Variants in CPAMD8 observed in about 807,000 individuals in gnomAD.
CPAMD8 encodes C3 and PZP like alpha-2-macroglobulin domain containing 8, also known as C3 and PZP-like alpha-2-macroglobulin domain-containing protein 8.
A neutral mutation model predicts 224.7 loss-of-function variants in CPAMD8; 146 were observed. The observed-to-expected ratio is 0.65, with a 90% CI of 0.57 to 0.75. CPAMD8 has a LOEUF of 0.75. Ranked by LOEUF, CPAMD8 falls within the 30% of genes least tolerant of loss-of-function variation. The pLI is 0.00. For synonymous variants in CPAMD8, 966 were observed against 1,044.6 expected, an observed-to-expected ratio of 0.92 and a Z score of 1.45; for missense variants, 2,301 against 2,537.5, an observed-to-expected ratio of 0.91 and a Z score of 2.00.
intron 27 of CPAMD8, among the ~76,000 whole-genome samples, chr19:16,918,475 T>G (rs1239519019): frequency 2.0e-5 from 3 of 148,566 alleles, no homozygotes; most frequent in Non-Finnish European, 3.0e-5. Context: ...AGAGATGGAG[T>G]TTTGCTCTGT....
At chr19:16,936,219 C>T (rs113978249) in intron 23 of CPAMD8, among the ~76,000 whole-genome samples, 5,207 of 152,190 alleles carry the variant, frequency 0.034, 217 homozygotes, top group African/African-American at 0.098. Flanking sequence ...TGAGCCACTG[C>T]GCCCAGCTCT....
At position 16,927,509 on chromosome 19, in the gene CPAMD8, C is replaced by CCCTACAGAA. The variant is rs2053405811; in HGVS notation, c.3370+499_3370+500insTTCTGTAGG. Among the ~76,000 whole-genome samples the CCCTACAGAA allele has an allele frequency of 2.6e-5, 4 of 152,162 alleles. No individual in the cohort carries two copies. In the South Asian group the frequency reaches 8.3e-4, roughly 32 times the overall value. ...TAATACACATCCCAACCCTACAGAC[C>CCCTACAGAA]CCCTAAGGCTGCTTCCAATGTCCCT... On this transcript the variant is annotated intron_variant, in intron 25 of 41. Transcript: ENST00000443236.
intron 20 of CPAMD8, among the ~76,000 whole-genome samples, chr19:16,950,992 C>T (rs926007855): frequency 6.6e-6 from 1 of 152,078 alleles, no homozygotes; most frequent in Non-Finnish European, 1.5e-5. Context: ...ACTAGGACAG[C>T]AGCCTTTCCT....
chr19:16,982,692 G>A (rs1053103475), intron 13 of CPAMD8, among the ~76,000 whole-genome samples: 17 of 152,012 alleles, frequency 1.1e-4, no homozygotes, highest in Admixed American at 1.0e-3. Flanking sequence ...AAAAAAAATA[G>A]CTGGGTGTGG....
chr19:17,021,902 AT>A, intron 2 of CPAMD8, 127 bp downstream of exon 2: 7 of 367,574 alleles, frequency 1.9e-5, no homozygotes, highest in Non-Finnish European at 2.6e-5. Flanking sequence ...CCTCCCTCCC[AT>A]GCCCCTGGGG....
intron 13 of CPAMD8, among the ~76,000 whole-genome samples, chr19:16,983,951 T>C (rs1385512726): frequency 6.6e-6 from 1 of 152,088 alleles, no homozygotes; most frequent in Non-Finnish European, 1.5e-5. Context: ...ATTTCAAAAC[T>C]TACTACAAAG....
At chr19:17,024,159 A>G (rs1329640615) in intron 1 of CPAMD8, among the ~76,000 whole-genome samples, 1 of 152,216 alleles carries the variant, frequency 6.6e-6, no homozygotes, top group Non-Finnish European at 1.5e-5. Context: ...TTGCATCTCA[A>G]AAGACGCAGT....
chr19:16,896,881 A>T, intron 39 of CPAMD8: 1 of 401,922 alleles, frequency 2.5e-6, no homozygotes, highest in Non-Finnish European at 4.4e-6. Context: ...ACAGACTTTT[A>T]AAAAGCGGTT....
Position 16,902,867 on chromosome 19 carries a change from G to A in CPAMD8, c.4471-4C>T, listed in dbSNP as rs374186700. The stretch of plus-strand genomic sequence containing the variant: ...GCACATTGTAGGTGACATCAATCTG[G>A]GGGGTGTTGGAGGATGGAGGCTTAG... On this transcript the variant is annotated splice_polypyrimidine_tract_variant and splice_region_variant and intron_variant, in intron 34 of 41. Coordinates refer to ENST00000443236, the MANE Select transcript of CPAMD8 (RefSeq NM_015692.5). 2 of 1,519,564 alleles carry A rather than the reference G, an allele frequency of 1.3e-6. No homozygotes were observed. Among genetic ancestry groups the A allele is most frequent in the Non-Finnish European group, 1.8e-6 (2 of 1,130,372 alleles). The allele number at this position is 1,519,564 out of a possible 1,614,324, so 94.1% of individuals were successfully genotyped here.
intron 19 of CPAMD8, among the ~76,000 whole-genome samples, chr19:16,954,809 C>A (rs2054412765): frequency 6.6e-6 from 1 of 152,040 alleles, no homozygotes; most frequent in African/African-American, 2.4e-5. Context: ...ATGGTGAAAC[C>A]CCATCTCTAC....
At chr19:16,921,881 A>C in intron 27 of CPAMD8, 24 bp downstream of exon 27, 2 of 1,509,380 alleles carry the variant, frequency 1.3e-6, no homozygotes, top group Non-Finnish European at 1.8e-6. Flanking sequence ...CTCAGAGGCA[A>C]TGCCCAGGGC....
chr19:17,007,883 G>A (rs2056536629), intron 7 of CPAMD8, among the ~76,000 whole-genome samples: 1 of 152,222 alleles, frequency 6.6e-6, no homozygotes, highest in Non-Finnish European at 1.5e-5. Context: ...GAAGCTGGGA[G>A]CAGGCCGGGC....
intron 41 of CPAMD8, chr19:16,893,595 G>C (rs1260520785): frequency 2.5e-6 from 1 of 404,824 alleles, no homozygotes; most frequent in Non-Finnish European, 4.4e-6. Flanking sequence ...CAGGTGCCAG[G>C]GGTCACAAAG....
In CPAMD8 at chr19:16,997,274, T is replaced by TGCTCAGGGACGTCC. The variant is rs2056160899; in HGVS notation, c.918_931dup (p.His311ArgfsTer17). The TGCTCAGGGACGTCC allele has an allele frequency of 6.3e-7, 1 of 1,576,216 alleles. No individual in the cohort carries two copies. The highest frequency in any genetic ancestry group is 8.7e-7 in the Non-Finnish European group (1 of 1,150,466). On this transcript the variant is annotated frameshift_variant, in exon 11 of 42. Coordinates refer to ENST00000443236, the MANE Select transcript of CPAMD8 (RefSeq NM_015692.5). LOFTEE classifies it high-confidence loss of function. ...CCAGATGCTGACCCTGCCCCGGAAGTGCTCAGGGACGTCCGCTGGGATCAT... is the reference window on the plus strand; with the variant it reads ...CCAGATGCTGACCCTGCCCCGGAAGTGCTCAGGGACGTCCGCTCAGGGACGTCCGCTGGGATCAT...
chr19:17,000,963 C>G (rs1476831357), intron 9 of CPAMD8, among the ~76,000 whole-genome samples: 3 of 152,124 alleles, frequency 2.0e-5, no homozygotes, highest in Non-Finnish European at 4.4e-5. Flanking sequence ...GATAGTGAAA[C>G]TTAAATGTCT....
At chr19:16,907,152 G>T in intron 29 of CPAMD8, 35 bp from the exon 30 acceptor site, 2 of 1,504,690 alleles carry the variant, frequency 1.3e-6, no homozygotes, top group Admixed American at 2.3e-5. Context: ...AACCTGGGAG[G>T]CTGCTCTGCC....
At chr19:17,009,880 A>G (rs886843268) in intron 5 of CPAMD8, among the ~76,000 whole-genome samples, 5 of 152,160 alleles carry the variant, frequency 3.3e-5, no homozygotes, top group African/African-American at 1.2e-4. Context: ...GCCTCCTGAT[A>G]CAAGGCACCG....
intron 11 of CPAMD8, among the ~76,000 whole-genome samples, chr19:16,996,750 C>T (rs962842079): frequency 1.4e-5 from 2 of 144,558 alleles, no homozygotes; most frequent in African/African-American, 2.6e-5. Flanking sequence ...ACCTGGGAGA[C>T]GGAGGTTGCA....
At chr19:17,013,651 G>T (rs2056726286) in intron 3 of CPAMD8, among the ~76,000 whole-genome samples, 1 of 151,890 alleles carries the variant, frequency 6.6e-6, no homozygotes, top group African/African-American at 2.4e-5. Flanking sequence ...GCTGGGAGAA[G>T]GGAGTGGGGA....
Sources: allele counts gnomAD v4.1 joint callset (sites outside exome capture counted in the v4.1 genomes callset), GRCh38; gene constraint gnomAD v4.1.1; transcripts MANE v1.5; gene names NCBI Gene and HGNC (gene_info 2026-07-23, HGNC 2026-07-21).